PDXDC1: variants seen among roughly 807,000 people sequenced by gnomAD.
The protein encoded by PDXDC1 is pyridoxal dependent decarboxylase domain containing 1, also known as pyridoxal-dependent decarboxylase domain-containing protein 1.
PDXDC1 carries 42 observed loss-of-function variants against 100.1 expected under a neutral mutation model. The ratio of observed to expected loss-of-function variants is 0.42; its 90% CI spans 0.33 to 0.54. The LOEUF (loss-of-function observed/expected upper bound fraction) is 0.54, where lower values mean the gene tolerates loss of function less well. PDXDC1 is among the 20% of genes least tolerant of loss of function. PDXDC1 has a pLI of 0.10. For missense variants in PDXDC1, 636 were observed against 979.2 expected (o/e 0.65, Z 4.68); for synonymous variants, 260 against 371.7 (o/e 0.70, Z 3.46).
the PDXDC1 span, among the ~76,000 whole-genome samples, chr16:15,152,306 A>C: frequency 7.6e-6 from 1 of 131,462 alleles, no homozygotes; most frequent in East Asian, 2.1e-4. Flanking sequence ...TGGACCCTTA[A>C]ACACCTGCCA....
At chr16:15,021,696 C>T (rs1312734899) in intron 12 of PDXDC1, among the ~76,000 whole-genome samples, 4 of 152,288 alleles carry the variant, frequency 2.6e-5, no homozygotes, top group Non-Finnish European at 5.9e-5. Flanking sequence ...GACTCACAGG[C>T]TAATAAATGC....
chr16:15,125,032 A>C lies in PDXDC1; in HGVS notation c.1400-13847A>C, dbSNP rs777861458. Among the ~76,000 whole-genome samples, 410 of 150,628 alleles carry C rather than the reference A, an allele frequency of 2.7e-3. 1 individual carries two copies. Among genetic ancestry groups the C allele is most frequent in the Non-Finnish European group, 4.8e-3 (325 of 67,750 alleles). ...CATGGTGGCACACGCCTGTAACCCCAGCTACTCAGGAGGCTGAGGCAGGAC... is the reference window on the plus strand; with the variant it reads ...CATGGTGGCACACGCCTGTAACCCCCGCTACTCAGGAGGCTGAGGCAGGAC... On this transcript the variant is annotated intron_variant, in intron 16 of 16. Transcript: ENST00000535621.
Position 15,034,353 on chromosome 16 carries a change from C to T in PDXDC1, c.1880C>T (p.Ala627Val). Residue 627 changes from alanine to valine, a missense_variant, in exon 20 of 23, where the codon GCA becomes GTA. By Grantham distance (64) the Ala-to-Val change is moderately conservative (BLOSUM62 0). Coordinates refer to ENST00000396410, the MANE Select transcript of PDXDC1 (RefSeq NM_015027.4). ...GAAGCTCAAGTGGAGCTGCAGAAGG[C>T]AAGTGAAGAACGGCTTCTGGAAGAG... is the stretch of plus-strand genomic sequence containing the variant. ...IQEAQVELQK[A>V]SEERLLEEGV... 4 of 1,613,474 alleles carry T rather than the reference C, an allele frequency of 2.5e-6. No individual in the cohort carries two copies. The highest frequency in any genetic ancestry group is 3.4e-6 in the Non-Finnish European group (4 of 1,179,988).
At chr16:15,053,834 C>G (rs921560437) in intron 16 of PDXDC1, among the ~76,000 whole-genome samples, 1 of 152,154 alleles carries the variant, frequency 6.6e-6, no homozygotes, top group Non-Finnish European at 1.5e-5. Flanking sequence ...TCGCTTGAAC[C>G]TTGGGAGACA....
Position 15,031,977 on chromosome 16 carries a change from AACC to A in PDXDC1, c.1571+75_1571+77del, listed in dbSNP as rs2151639291. The A allele has an allele frequency of 3.9e-6, 5 of 1,296,308 alleles. No individual in the cohort carries two copies. In the Admixed American group the frequency reaches 1.0e-4, roughly 27 times the overall value. The allele number at this position is 1,296,308 out of a possible 1,614,324, so 80.3% of individuals were successfully genotyped here. A position where few individuals can be genotyped will look rare whatever the true frequency, so the allele number is the denominator to read the frequency against. On this transcript the variant is annotated intron_variant, in intron 17 of 22. Transcript: ENST00000396410. ...AAGAACATGAGTGGGTCATTTTCTG[AACC>A]ACCTTAGAAATCCAAGATGAACGTG...
At chr16:15,140,102 A>T (rs1258274566), downstream of PDXDC1, among the ~76,000 whole-genome samples, 1 of 143,824 alleles carries the variant, frequency 7.0e-6, no homozygotes, top group Non-Finnish European at 1.6e-5. Context: ...TCTCAAAAAA[A>T]AAAAAAAAAA....
At chr16:15,040,018 C>T (rs534463977), downstream of PDXDC1, 8 of 1,612,064 alleles carry the variant, frequency 5.0e-6, no homozygotes, top group East Asian at 2.2e-5. Flanking sequence ...CTCCGGACCC[C>T]GATCTTGAAA....
chr16:15,128,407 G>A (rs564876619), intron 16 of PDXDC1: 119 of 1,458,680 alleles, frequency 8.2e-5, no homozygotes, highest in Non-Finnish European at 2.6e-5. Context: ...GCAAGAGGGA[G>A]GGGTGGGAGG....
intron 7 of PDXDC1, chr16:15,009,393 G>C (rs2041067578): frequency 1.9e-6 from 1 of 527,104 alleles, no homozygotes. Context: ...GCTGTTTTAG[G>C]AGAGTTAAGA....
At chr16:15,006,163 G>T (rs1385053816) in intron 5 of PDXDC1, among the ~76,000 whole-genome samples, 1 of 152,264 alleles carries the variant, frequency 6.6e-6, no homozygotes, top group African/African-American at 2.4e-5. Flanking sequence ...CATAGTTTCT[G>T]CTCTTTATGG....
rs559847426 is a variant in PDXDC1, at chr16:15,135,143, G to A, written c.1400-3736G>A. The A allele has an allele frequency of 2.6e-4, 190 of 744,278 alleles. 1 individual carries two copies. In the African/African-American group the frequency reaches 2.9e-3, roughly 11 times the overall value. 46.1% of individuals were successfully genotyped at this position (744,278 alleles called of 1,614,324 possible). ...GGAAGCAAAGCTGAAGCAGGCTGTC[G>A]TGTTACGTAGAATTTGCATCAGAAA... On this transcript the variant is annotated intron_variant, in intron 16 of 16. Transcript: ENST00000535621.
chr16:15,092,101 C>T (rs991627073), intron 16 of PDXDC1, among the ~76,000 whole-genome samples: 1 of 152,166 alleles, frequency 6.6e-6, no homozygotes, highest in African/African-American at 2.4e-5. Flanking sequence ...ATTGCTTGAA[C>T]CTGGGAGGTG....
Position 15,051,276 on chromosome 16 carries a change from G to T in PDXDC1, c.1399+21220G>T, listed in dbSNP as rs575278242. 8.6e-4 allele frequency among the ~76,000 whole-genome samples: 131 copies of T among 152,326 alleles called. 1 individual carries two copies. The highest frequency in any genetic ancestry group is 1.5e-3 in the Non-Finnish European group (104 of 68,026). On this transcript the variant is annotated intron_variant, in intron 16 of 16. Transcript: ENST00000535621. Reference sequence around the variant, plus strand: ...TGTCTCTCTTCAACACAGCTCCTACGATTTCCCAAAGAAATAAAAGCAAAA... The same window carrying T: ...TGTCTCTCTTCAACACAGCTCCTACTATTTCCCAAAGAAATAAAAGCAAAA...
At chr16:15,072,622 G>A (rs2045284577) in intron 16 of PDXDC1, among the ~76,000 whole-genome samples, 1 of 152,126 alleles carries the variant, frequency 6.6e-6, no homozygotes, top group Non-Finnish European at 1.5e-5. Flanking sequence ...GGCCAACGTG[G>A]CGAAACCCCA....
intron 16 of PDXDC1, among the ~76,000 whole-genome samples, chr16:15,066,226 A>G (rs1436938697): frequency 6.6e-6 from 1 of 152,154 alleles, no homozygotes. Flanking sequence ...GGTTTGCACT[A>G]TCAGGTAAAG....
downstream of PDXDC1, among the ~76,000 whole-genome samples, chr16:15,042,630 C>T (rs902925458): frequency 1.3e-5 from 2 of 152,238 alleles, no homozygotes; most frequent in African/African-American, 4.8e-5. Flanking sequence ...TTCTACCGCT[C>T]ATCTTCAGGT....
chr16:15,125,002 C>G (rs1008318685), intron 16 of PDXDC1, among the ~76,000 whole-genome samples: 1 of 150,754 alleles, frequency 6.6e-6, no homozygotes, highest in Non-Finnish European at 1.5e-5. Context: ...CAAAAATTAG[C>G]CAGGCATGGT....
intron 16 of PDXDC1, among the ~76,000 whole-genome samples, chr16:15,098,821 T>G (rs1203622235): frequency 6.6e-6 from 1 of 151,716 alleles, no homozygotes; most frequent in East Asian, 2.0e-4. Context: ...GAGGTTGCAG[T>G]GAGCCGAGAT....
At chr16:15,035,696 C>T (rs947461054) in intron 22 of PDXDC1, 143 bp downstream of exon 22, 31 of 599,418 alleles carry the variant, frequency 5.2e-5, no homozygotes, top group South Asian at 6.4e-5. Context: ...TCTTGGTAGC[C>T]GTGGGATTCA....
Sources: allele counts gnomAD v4.1 joint callset (sites outside exome capture counted in the v4.1 genomes callset), GRCh38; gene constraint gnomAD v4.1.1; transcripts MANE v1.5; gene names NCBI Gene and HGNC (gene_info 2026-07-23, HGNC 2026-07-21).